The following GABBR2 variants were observed in gnomAD, a reference collection of about 807,000 sequenced individuals.
GABBR2 encodes gamma-aminobutyric acid type B receptor subunit 2, also known as G-protein coupled receptor 51.
In GABBR2, 23 loss-of-function variants were observed where a neutral mutation model predicts 105.6. The ratio of observed to expected loss-of-function variants is 0.22; its 90% CI spans 0.16 to 0.31. The LOEUF (loss-of-function observed/expected upper bound fraction) is 0.31, where lower values mean the gene tolerates loss of function less well. Ranked by LOEUF, GABBR2 falls within the 10% of genes least tolerant of loss-of-function variation. The pLI is 1.00. For synonymous variants in GABBR2, 478 were observed against 499.7 expected (o/e 0.96, Z 0.58); for missense variants, 734 against 1,245.5 (o/e 0.59, Z 6.18).
Position 98,306,697 on chromosome 9 carries a change from T to A in GABBR2, c.2005-352A>T. On this transcript the variant is annotated intron_variant, in intron 14 of 18. Transcript: ENST00000259455. The surrounding 1 kb of genome is among the most constrained non-coding windows in gnomAD (Gnocchi z 5.4). ...TAGGGAATACTAATATCCAGAAGGG[T>A]GAAGAGGTCTGCCCAAGGCCGCACA... is the stretch of plus-strand genomic sequence containing the variant. The A allele has an allele frequency of 3.2e-6, 1 of 314,660 alleles. No homozygotes were observed. The highest frequency in any genetic ancestry group is 6.0e-6 in the Non-Finnish European group (1 of 165,834). 19.5% of individuals were successfully genotyped at this position (314,660 alleles called of 1,614,324 possible).
intron 12 of GABBR2, among the ~76,000 whole-genome samples, chr9:98,368,986 G>T (rs1388570051): frequency 6.6e-6 from 1 of 152,212 alleles, no homozygotes; most frequent in Non-Finnish European, 1.5e-5. Context: ...CTAGACCACA[G>T]GTCCCCAACT....
chr9:98,414,542 G>A (rs1481939863), intron 7 of GABBR2, among the ~76,000 whole-genome samples: 1 of 152,164 alleles, frequency 6.6e-6, no homozygotes, highest in Admixed American at 6.5e-5. Context: ...GTTTTAATGA[G>A]GGGGTGACTT....
chr9:98,303,489 G>A (rs1383505446), intron 15 of GABBR2, 66 bp from the exon 16 acceptor site: 1 of 1,386,154 alleles, frequency 7.2e-7, no homozygotes, highest in Middle Eastern at 2.0e-4. Flanking sequence ...CATCCCACAT[G>A]GCAGACTCTC....
At position 98,384,032 on chromosome 9, in the gene GABBR2, T is replaced by G. The variant is rs76365454; in HGVS notation, c.1662+1608A>C. Among the ~76,000 whole-genome samples the G allele has an allele frequency of 0.015, 2,245 of 152,282 alleles. 81 individuals are homozygous for G. The East Asian group carries it at 0.15, about 10-fold the overall frequency. ...CTGCTTTGCAAAAAAGGGCCCACAGTGCTCTCAACGTCTTGAAAGAAAACA... is the reference window on the plus strand; with the variant it reads ...CTGCTTTGCAAAAAAGGGCCCACAGGGCTCTCAACGTCTTGAAAGAAAACA... On this transcript the variant is annotated intron_variant, in intron 11 of 18. Coordinates refer to ENST00000259455, the MANE Select transcript of GABBR2 (RefSeq NM_005458.8).
chr9:98,385,345 G>A (rs184762426), intron 11 of GABBR2, among the ~76,000 whole-genome samples: 1 of 152,234 alleles, frequency 6.6e-6, no homozygotes, highest in African/African-American at 2.4e-5. Flanking sequence ...TGGGACTACA[G>A]GTGTACACCA....
rs1263805517 is a variant in GABBR2 at position 98,388,784 on chromosome 9, CT to C, written c.1529+69del. ...TCCCTGGGGAATCTGTCATGTGGCA[CT>C]CCTATACTGTGTCCATAGGCTTGTC... On this transcript the variant is annotated intron_variant, in intron 10 of 18. Transcript: ENST00000259455. The surrounding 1 kb of genome is among the most constrained non-coding windows in gnomAD (Gnocchi z 4.4). The C allele has an allele frequency of 1.7e-5, 22 of 1,301,682 alleles. No individual in the cohort carries two copies. Among genetic ancestry groups the C allele is most frequent in the Non-Finnish European group, 2.3e-5 (21 of 919,778 alleles). 80.6% of individuals were successfully genotyped at this position (1,301,682 alleles called of 1,614,324 possible).
Position 98,578,065 on chromosome 9 carries a change from T to C in GABBR2, c.329A>G (p.Asn110Ser), listed in dbSNP as rs977595937. 1.9e-6 allele frequency: 3 copies of C among 1,613,682 alleles called. No individual in the cohort carries two copies. Among genetic ancestry groups the C allele is most frequent in the Non-Finnish European group, 2.5e-6 (3 of 1,179,910 alleles). Reference protein sequence around the residue: ...DLRLYDTECDNAKGLKAFYDA... With the variant: ...DLRLYDTECDSAKGLKAFYDA... ...GTAGAAGGCTTTCAACCCTTTTGCGTTGTCGCACTGGGAAGCAACACATAG... is the reference window on the plus strand; with the variant it reads ...GTAGAAGGCTTTCAACCCTTTTGCGCTGTCGCACTGGGAAGCAACACATAG... Residue 110 changes from asparagine (N) to serine (S), a missense_variant, in exon 2 of 19, where the codon AAC becomes AGC. Asn to Ser is a conservative substitution (Grantham distance 46). Coordinates refer to ENST00000259455, the MANE Select transcript of GABBR2 (RefSeq NM_005458.8).
chr9:98,634,091 C>G (rs1829849120), intron 1 of GABBR2, among the ~76,000 whole-genome samples: 1 of 152,122 alleles, frequency 6.6e-6, no homozygotes. Flanking sequence ...AAGTTGGGAC[C>G]CCAACAGCAT....
At chr9:98,461,738 A>T (rs914876634) in intron 6 of GABBR2, among the ~76,000 whole-genome samples, 23 of 152,330 alleles carry the variant, frequency 1.5e-4, no homozygotes, top group African/African-American at 5.5e-4. Context: ...TTGGCTCATG[A>T]TTCTCCAGGT....
At chr9:98,315,929 G>A (rs1393146931) in intron 13 of GABBR2, among the ~76,000 whole-genome samples, 1 of 152,222 alleles carries the variant, frequency 6.6e-6, no homozygotes, top group Non-Finnish European at 1.5e-5. Flanking sequence ...AGCAGCTGTT[G>A]GGGAAGTATT....
At chr9:98,603,037 C>G (rs1384591405) in intron 1 of GABBR2, among the ~76,000 whole-genome samples, 1 of 136,374 alleles carries the variant, frequency 7.3e-6, no homozygotes, top group Non-Finnish European at 1.6e-5. Flanking sequence ...TCTGGAAACA[C>G]GAGGACTTGG....
At chr9:98,355,185 C>G (rs1373150426) in intron 13 of GABBR2, among the ~76,000 whole-genome samples, 1 of 151,656 alleles carries the variant, frequency 6.6e-6, no homozygotes, top group Non-Finnish European at 1.5e-5. Context: ...TGTGGTACCC[C>G]AAAACAATTA....
Position 98,454,216 on chromosome 9 carries a change from G to A in GABBR2, c.1001C>T (p.Thr334Ile), listed in dbSNP as rs1485329117. 1 of 1,608,702 alleles carries A rather than the reference G, an allele frequency of 6.2e-7. No individual in the cohort carries two copies. The highest frequency in any genetic ancestry group is 8.5e-7 in the Non-Finnish European group (1 of 1,175,020). ...SKQIKTISGKTPQQYEREYNN... is the reference protein window; with the variant it reads ...SKQIKTISGKIPQQYEREYNN... ...GTACTCTCTCTCATACTGCTGTGGAGTCTGGAAAAACAGGGGATTGGGGGA... is the reference window on the plus strand; with the variant it reads ...GTACTCTCTCTCATACTGCTGTGGAATCTGGAAAAACAGGGGATTGGGGGA... Residue 334 changes from threonine to isoleucine, a missense_variant and splice_region_variant, in exon 7 of 19, where the codon ACT becomes ATT. By Grantham distance (89) the Thr-to-Ile change is moderately conservative (BLOSUM62 -1). This residue lies in a region of GABBR2 where 370 missense variants were observed against 648.9 expected (regional missense o/e 0.57). Coordinates refer to ENST00000259455, the MANE Select transcript of GABBR2 (RefSeq NM_005458.8). The surrounding 1 kb of genome is among the most constrained non-coding windows in gnomAD (Gnocchi z 4.6).
chr9:98,314,309 G>C lies in GABBR2; in HGVS notation c.1894-3104C>G, dbSNP rs552160814. Among the ~76,000 whole-genome samples the C allele has an allele frequency of 9.2e-5, 14 of 152,262 alleles. No individual in the cohort carries two copies. The South Asian group carries it at 1.9e-3, about 20-fold the overall frequency. ...GTGACAGAACTGGCTTGGTCCCAAG[G>C]TCAACTGACTTAGTGGCAGAATCTG... On this transcript the variant is annotated intron_variant, in intron 13 of 18. Coordinates refer to ENST00000259455, the MANE Select transcript of GABBR2 (RefSeq NM_005458.8).
At chr9:98,360,073 T>C (rs1302228815) in intron 13 of GABBR2, among the ~76,000 whole-genome samples, 1 of 152,116 alleles carries the variant, frequency 6.6e-6, no homozygotes, top group Non-Finnish European at 1.5e-5. Context: ...CCTCAGGTGC[T>C]CAGAGTCCGG....
chr9:98,649,682 T>A (rs1218761466), intron 1 of GABBR2, among the ~76,000 whole-genome samples: 1 of 152,198 alleles, frequency 6.6e-6, no homozygotes, highest in Non-Finnish European at 1.5e-5. Context: ...AAAATATGCC[T>A]GTGTTCATGC....
At chr9:98,320,144 A>C (rs2131374371) in intron 13 of GABBR2, among the ~76,000 whole-genome samples, 1 of 152,074 alleles carries the variant, frequency 6.6e-6, no homozygotes, top group South Asian at 2.1e-4. Flanking sequence ...AAAAACAAAC[A>C]ACCCCATCAA....
At chr9:98,685,311 C>T (rs566383287) in intron 1 of GABBR2, among the ~76,000 whole-genome samples, 1 of 152,338 alleles carries the variant, frequency 6.6e-6, no homozygotes, top group Admixed American at 6.5e-5. Context: ...GTTGGTTTCC[C>T]TACTTTTGAG....
chr9:98,556,753 A>C (rs1454632338), intron 2 of GABBR2, among the ~76,000 whole-genome samples: 1 of 152,222 alleles, frequency 6.6e-6, no homozygotes. Flanking sequence ...GCTCTGTTAA[A>C]GATAAACTGA....
Sources: allele counts gnomAD v4.1 joint callset (sites outside exome capture counted in the v4.1 genomes callset), GRCh38; gene constraint gnomAD v4.1.1; regional missense constraint gnomAD v4.1.1; non-coding constraint Gnocchi (gnomAD v3.1); transcripts MANE v1.5; gene names NCBI Gene and HGNC (gene_info 2026-07-23, HGNC 2026-07-21).